RYR3: variants seen among roughly 807,000 people sequenced by gnomAD.
RYR3 encodes the protein ryanodine receptor 3.
In RYR3, 207 loss-of-function variants were observed where a neutral mutation model predicts 584.3. The observed-to-expected ratio is 0.35, with a 90% CI of 0.32 to 0.40. RYR3 has a LOEUF of 0.40. RYR3 is among the 10% of genes least tolerant of loss of function. The pLI, the probability that RYR3 is intolerant of heterozygous loss-of-function variation, is 1.00. For synonymous variants in RYR3, 2,416 were observed against 2,248.5 expected, an observed-to-expected ratio of 1.07 and a Z score of -2.11; for missense variants, 5,616 against 6,089.2, an observed-to-expected ratio of 0.92 and a Z score of 2.59.
chr15:33,812,631 A>G (rs926101357), intron 72 of RYR3, among the ~76,000 whole-genome samples: 1 of 152,236 alleles, frequency 6.6e-6, no homozygotes, highest in Non-Finnish European at 1.5e-5. Flanking sequence ...AATGCAACAC[A>G]GAGAGATGAC....
Position 33,838,639 on chromosome 15 carries a change from T to A in RYR3, c.12659T>A (p.Val4220Glu). The change falls in exon 89 of 104, where the codon GTA (valine) becomes GAA (glutamate). Residue 4220 changes from valine (V) to glutamate (E), a missense_variant. Physicochemically the swap from Val to Glu is moderately radical, Grantham distance 121. Transcript: ENST00000634891. ...LWSTVFGGGL[V>E]EGAKNIRVTK... ...AGCACAGTGTTTGGAGGGGGCCTGG[T>A]AGAAGGGGCAAAGAACATCAGAGTG... is the stretch of plus-strand genomic sequence containing the variant. The A allele has an allele frequency of 6.2e-7, 1 of 1,613,882 alleles. No homozygotes were observed. Among genetic ancestry groups the A allele is most frequent in the Non-Finnish European group, 8.5e-7 (1 of 1,179,852 alleles).
chr15:33,615,891 C>A (rs2152571408), intron 19 of RYR3, among the ~76,000 whole-genome samples: 1 of 152,286 alleles, frequency 6.6e-6, no homozygotes, highest in South Asian at 2.1e-4. Context: ...TATTTTCCAT[C>A]TTCCCCACTC....
chr15:33,395,172 T>C (rs2042226694), intron 1 of RYR3, among the ~76,000 whole-genome samples: 1 of 152,224 alleles, frequency 6.6e-6, no homozygotes, highest in Non-Finnish European at 1.5e-5. Context: ...ATTTTAAAAT[T>C]TGATTGTGGA....
chr15:33,862,618 T>G (rs1195954037), intron 102 of RYR3, among the ~76,000 whole-genome samples: 2 of 152,150 alleles, frequency 1.3e-5, no homozygotes, highest in Non-Finnish European at 1.5e-5. Context: ...AACATGAGTT[T>G]TGTTTTTTTA....
At chr15:33,434,971 CCAT>C (rs2045530977) in intron 1 of RYR3, among the ~76,000 whole-genome samples, 1 of 152,180 alleles carries the variant, frequency 6.6e-6, no homozygotes, top group South Asian at 2.1e-4. Context: ...GTGCCCACCA[CCAT>C]GCCTGGCTAA....
chr15:33,423,910 C>A (rs1036423651), intron 1 of RYR3, among the ~76,000 whole-genome samples: 3 of 152,046 alleles, frequency 2.0e-5, no homozygotes, highest in African/African-American at 7.2e-5. Context: ...TAAGAAAACC[C>A]GTTGCTCTGA....
At chr15:33,727,329 A>G (rs1192298668) in intron 46 of RYR3, among the ~76,000 whole-genome samples, 1 of 152,216 alleles carries the variant, frequency 6.6e-6, no homozygotes, top group Non-Finnish European at 1.5e-5. Context: ...TTGAAAACAT[A>G]TGATTCCAAC....
intron 1 of RYR3, among the ~76,000 whole-genome samples, chr15:33,387,398 G>A (rs896258749): frequency 3.3e-5 from 5 of 151,918 alleles, no homozygotes; most frequent in Non-Finnish European, 7.4e-5. Context: ...ATTTTTTTGG[G>A]AAAATGCCAC....
At chr15:33,491,691 C>A (rs1878903317) in intron 2 of RYR3, among the ~76,000 whole-genome samples, 1 of 152,162 alleles carries the variant, frequency 6.6e-6, no homozygotes, top group South Asian at 2.1e-4. Context: ...GTTAATTACT[C>A]AGCAAAGCGG....
intron 16 of RYR3, among the ~76,000 whole-genome samples, chr15:33,599,435 A>G (rs2059554583): frequency 6.6e-6 from 1 of 152,200 alleles, no homozygotes; most frequent in Non-Finnish European, 1.5e-5. Flanking sequence ...ATCACTCAAT[A>G]TATATAAGAA....
intron 1 of RYR3, among the ~76,000 whole-genome samples, chr15:33,411,377 A>G (rs2043393751): frequency 6.6e-6 from 1 of 152,228 alleles, no homozygotes; most frequent in East Asian, 1.9e-4. Context: ...AAGAAGTCTG[A>G]TGACAGACAT....
At chr15:33,366,035 A>G (rs988303326) in intron 1 of RYR3, among the ~76,000 whole-genome samples, 3 of 152,312 alleles carry the variant, frequency 2.0e-5, no homozygotes, top group South Asian at 4.1e-4. Context: ...TGAGAAATGT[A>G]AACTGAACGA....
At chr15:33,546,329 T>C (rs908755948) in intron 8 of RYR3, among the ~76,000 whole-genome samples, 2 of 152,166 alleles carry the variant, frequency 1.3e-5, no homozygotes, top group East Asian at 1.9e-4. Context: ...TAAATGAGAA[T>C]CTTAGCAAAT....
intron 24 of RYR3, 71 bp downstream of exon 24, chr15:33,633,179 G>A: frequency 1.3e-6 from 2 of 1,519,342 alleles, no homozygotes; most frequent in Non-Finnish European, 1.8e-6. Context: ...TTTTGCTTTG[G>A]TGTGTGTTAG....
intron 1 of RYR3, among the ~76,000 whole-genome samples, chr15:33,384,601 G>GCACACA (rs10659855): frequency 0.1 from 14,837 of 145,238 alleles, 880 homozygotes; most frequent in Middle Eastern, 0.2. Context: ...ATCTATATAT[G>GCACACA]CACACACACA....
intron 1 of RYR3, among the ~76,000 whole-genome samples, chr15:33,418,563 C>G (rs1177094302): frequency 6.6e-6 from 1 of 151,928 alleles, no homozygotes; most frequent in Non-Finnish European, 1.5e-5. Flanking sequence ...GGAAAGATGA[C>G]CCTGGAAGGG....
chr15:33,328,472 C>T (rs978955277), intron 1 of RYR3, among the ~76,000 whole-genome samples: 1 of 152,202 alleles, frequency 6.6e-6, no homozygotes, highest in African/African-American at 2.4e-5. Context: ...GCTACATTTT[C>T]AGATGGGTTC....
At chr15:33,695,947 CTTTTTTTTT>C (rs1165160004) in intron 38 of RYR3, among the ~76,000 whole-genome samples, 2 of 95,456 alleles carry the variant, frequency 2.1e-5, no homozygotes, top group Admixed American at 1.2e-4. Context: ...CCACACCCAG[CTTTTTTTTT>C]TTTTTTTTTT....
chr15:33,613,895 A>G (rs375608450), intron 19 of RYR3, among the ~76,000 whole-genome samples: 3 of 152,216 alleles, frequency 2.0e-5, no homozygotes, highest in Non-Finnish European at 4.4e-5. Context: ...AAATGATTTT[A>G]TAGCCATATA....
Sources: gnomAD v4.1 joint callset for allele counts (sites outside exome capture counted in the v4.1 genomes callset) on GRCh38, gnomAD v4.1.1 for gene constraint, MANE v1.5 for transcripts, NCBI Gene and HGNC (gene_info 2026-07-23, HGNC 2026-07-21) for gene names.